The following ERCC6L variants were observed in gnomAD, a reference collection of about 807,000 sequenced individuals.
ERCC6L encodes DNA excision repair protein ERCC-6-like.
Under a neutral mutation model 20.1 loss-of-function variants are expected in ERCC6L, and 7 were observed. The observed-to-expected ratio is 0.35, with a 90% confidence interval of 0.20 to 0.65. The LOEUF (loss-of-function observed/expected upper bound fraction) is 0.65, where lower values mean the gene tolerates loss of function less well. Ranked by LOEUF, ERCC6L falls within the 30% of genes least tolerant of loss-of-function variation. ERCC6L has a pLI of 0.69. For synonymous variants in ERCC6L, 278 were observed against 331.3 expected, an observed-to-expected ratio of 0.84 and a Z score of 1.75; for missense variants, 592 against 892.4, an observed-to-expected ratio of 0.66 and a Z score of 4.29.
In ERCC6L at chrX:72,208,303, T is replaced by G. The variant is rs1602437589; in HGVS notation, c.464A>C (p.Asn155Thr). Residue 155 changes from asparagine (N) to threonine (T), a missense_variant, in exon 2 of 2, where the codon AAT becomes ACT. Transcript: ENST00000334463. ...TTCTTTTACCCATGTGTTAATAAGATTGGTTGGCATGATCAGCAGCACATG... is the reference window on the plus strand; with the variant it reads ...TTCTTTTACCCATGTGTTAATAAGAGTGGTTGGCATGATCAGCAGCACATG... ...VNHVLLIMPT[N>T]LINTWVKEFI... The G allele has an allele frequency of 8.3e-7, 1 of 1,210,273 alleles. No homozygotes were observed. Among genetic ancestry groups the G allele is most frequent in the African/African-American group, 1.7e-5 (1 of 57,243 alleles).
chrX:72,223,426 G>A (rs932617766), intron 1 of ERCC6L, among the ~76,000 whole-genome samples: 63 of 105,721 alleles, frequency 6.0e-4, no homozygotes, highest in African/African-American at 2.1e-3. Flanking sequence ...TTTTGCTCTT[G>A]TTGCCCAGGC....
At chrX:72,230,352 G>A (rs964977410) in intron 1 of ERCC6L, among the ~76,000 whole-genome samples, 5 of 109,776 alleles carry the variant, frequency 4.6e-5, no homozygotes, top group Non-Finnish European at 7.6e-5. Context: ...CTGGAAAGAT[G>A]TCTGCCCCAA....
rs1036021606 is a variant in ERCC6L, at chrX:72,205,655, T to TAAA, written c.3109_3111dup (p.Phe1037dup). 8.3e-7 allele frequency: 1 copy of TAAA among 1,210,595 alleles called. No homozygotes were observed. Among genetic ancestry groups the TAAA allele is most frequent in the Non-Finnish European group, 1.1e-6 (1 of 895,343 alleles). On this transcript the variant is annotated inframe_insertion, in exon 2 of 2. Transcript: ENST00000334463. The stretch of plus-strand genomic sequence containing the variant: ...AATGGATTTATGCTTGAGGTATCTT[T>TAAA]AAAAGAATCATCTTCATCTTCGCCA...
Position 72,205,565 on chromosome X carries a change from T to G in ERCC6L, c.3202A>C (p.Ile1068Leu). ...GAAAAGAACCTTCCTGGTGGACTGATGTCATTTTTGGGAGTTGAAGCATCA... is the reference window on the plus strand; with the variant it reads ...GAAAAGAACCTTCCTGGTGGACTGAGGTCATTTTTGGGAGTTGAAGCATCA... ...QFDASTPKND[I>L]SPPGRFFSSQ... The change falls in exon 2 of 2, where the codon ATC becomes CTC. Residue 1068 changes from isoleucine to leucine, a missense_variant. Ile to Leu is a conservative substitution (Grantham distance 5). Transcript: ENST00000334463. 8.3e-7 allele frequency: 1 copy of G among 1,211,249 alleles called. No individual in the cohort carries two copies. The highest frequency in any genetic ancestry group is 1.1e-6 in the Non-Finnish European group (1 of 894,918).
Position 72,206,100 on chromosome X carries a change from AATCTCATC to A in ERCC6L, c.2659_2666del (p.Asp887PhefsTer15). On this transcript the variant is annotated frameshift_variant, in exon 2 of 2. Transcript: ENST00000334463. LOFTEE classifies it low-confidence loss of function (END_TRUNC). ...TGGGCCAAGGATTGCAATGACGTAA[AATCTCATC>A]ATCCTTTAGTTGATCTAAATTTGGC... 1 of 1,211,272 alleles carries A rather than the reference AATCTCATC, an allele frequency of 8.3e-7. No individual in the cohort carries two copies. Among genetic ancestry groups the A allele is most frequent in the Non-Finnish European group, 1.1e-6 (1 of 895,177 alleles).
chrX:72,215,973 T>C (rs139456352), intron 1 of ERCC6L, among the ~76,000 whole-genome samples: 3,023 of 110,499 alleles, frequency 0.027, 74 homozygotes, highest in African/African-American at 0.082. Flanking sequence ...GGGGATCTTT[T>C]TGTTGTCAAT....
intron 1 of ERCC6L, among the ~76,000 whole-genome samples, chrX:72,235,552 C>G (rs1294147764): frequency 9.0e-6 from 1 of 110,742 alleles, no homozygotes; most frequent in Non-Finnish European, 1.9e-5. Flanking sequence ...TGTACCACCA[C>G]GTCCAGCTTA....
In ERCC6L at chrX:72,238,975, G is replaced by A; in HGVS notation, c.-64C>T. ...TGGAGCTTGGAGCTTGGAGCTTGGA[G>A]CTTGGAGCTTAGAGTTTGGAGCTTG... On this transcript the variant is annotated 5_prime_UTR_variant, in exon 1 of 2. Coordinates refer to ENST00000334463, the MANE Select transcript of ERCC6L (RefSeq NM_017669.4). 1 of 1,041,389 alleles carries A rather than the reference G, an allele frequency of 9.6e-7. No individual in the cohort carries two copies. The allele number at this position is 1,041,389 out of a possible 1,213,427, so 85.8% of individuals were successfully genotyped here.
intron 1 of ERCC6L, among the ~76,000 whole-genome samples, chrX:72,222,888 G>A (rs892031143): frequency 6.5e-5 from 7 of 107,251 alleles, no homozygotes; most frequent in African/African-American, 2.4e-4. Flanking sequence ...GAGCCACTGC[G>A]CCCGGCCTGA....
chrX:72,214,913 G>T (rs2042879397), intron 1 of ERCC6L, among the ~76,000 whole-genome samples: 1 of 110,333 alleles, frequency 9.1e-6, no homozygotes, highest in Admixed American at 9.8e-5. Flanking sequence ...CTTGAACTCA[G>T]GAGATGGAGG....
Position 72,238,852 on chromosome X carries a change from A to C in ERCC6L, c.60T>G (p.His20Gln). ...CAGCGGTCCAGACATACCTTAGGTA[A>C]TGAGCAGCCTGCTCTGGGCTCAAGG... Reference protein sequence around the residue: ...AEALSPEQAAHYLRYVKEAKE... With the variant: ...AEALSPEQAAQYLRYVKEAKE... The change falls in exon 1 of 2, where the codon CAT becomes CAG. Residue 20 changes from histidine to glutamine, a missense_variant. Transcript: ENST00000334463. The C allele has an allele frequency of 1.7e-6, 2 of 1,192,503 alleles. No homozygotes were observed. The highest frequency in any genetic ancestry group is 2.3e-6 in the Non-Finnish European group (2 of 885,701).
intron 1 of ERCC6L, among the ~76,000 whole-genome samples, chrX:72,212,485 T>C (rs2042861481): frequency 9.0e-6 from 1 of 111,481 alleles, no homozygotes; most frequent in Non-Finnish European, 1.9e-5. Flanking sequence ...CCATAAGCCA[T>C]ACTATTAGAC....
intron 1 of ERCC6L, among the ~76,000 whole-genome samples, chrX:72,214,597 A>G (rs1362962946): frequency 1.9e-5 from 2 of 104,660 alleles, no homozygotes; most frequent in Non-Finnish European, 3.9e-5. Context: ...CATGTGAACC[A>G]GGGAGGCGGA....
In ERCC6L at chrX:72,222,742, C is replaced by T. The variant is rs750979682; in HGVS notation, c.69-14044G>A. Among the ~76,000 whole-genome samples, 6 of 108,999 alleles carry T rather than the reference C, an allele frequency of 5.5e-5. No homozygotes were observed. In the South Asian group the frequency reaches 1.2e-3, roughly 23 times the overall value. The allele number at this position is 108,999 out of a possible 115,157, so 94.7% of individuals were successfully genotyped here. A position where few individuals can be genotyped will look rare whatever the true frequency, so the allele number is the denominator to read the frequency against. ...CCTCCTGAGTAGCTGGGATTACAGG[C>T]GCGTGTCACCACGCCCAGCTAATTT... On this transcript the variant is annotated intron_variant, in intron 1 of 1. Coordinates refer to ENST00000334463, the MANE Select transcript of ERCC6L (RefSeq NM_017669.4).
chrX:72,236,542 C>T (rs1253307726), intron 1 of ERCC6L, among the ~76,000 whole-genome samples: 1 of 111,711 alleles, frequency 9.0e-6, no homozygotes, highest in Non-Finnish European at 1.9e-5. Context: ...GATGCACCTG[C>T]CTCGCCCTCC....
chrX:72,228,694 A>G (rs2042966711), intron 1 of ERCC6L, among the ~76,000 whole-genome samples: 1 of 111,412 alleles, frequency 9.0e-6, no homozygotes, highest in Non-Finnish European at 1.9e-5. Context: ...CTATGGCTTC[A>G]AGGAACTTTC....
At chrX:72,224,975 C>T (rs2042946278) in intron 1 of ERCC6L, among the ~76,000 whole-genome samples, 1 of 110,973 alleles carries the variant, frequency 9.0e-6, no homozygotes, top group South Asian at 3.8e-4. Context: ...AATCCCCACC[C>T]ATTCTCCCCA....
At chrX:72,210,032 A>G (rs1381031098) in intron 1 of ERCC6L, among the ~76,000 whole-genome samples, 2 of 108,666 alleles carry the variant, frequency 1.8e-5, no homozygotes, top group African/African-American at 6.7e-5. Context: ...GCAATATCTT[A>G]AATATGATGC....
chrX:72,233,626 G>A (rs979974020), intron 1 of ERCC6L, among the ~76,000 whole-genome samples: 3 of 107,868 alleles, frequency 2.8e-5, no homozygotes, highest in Non-Finnish European at 5.7e-5. Context: ...GGAGGCTGAG[G>A]CAGGAGAATC....
Sources: gnomAD v4.1 joint callset for allele counts (sites outside exome capture counted in the v4.1 genomes callset) on GRCh38, gnomAD v4.1.1 for gene constraint, MANE v1.5 for transcripts, NCBI Gene and HGNC (gene_info 2026-07-23, HGNC 2026-07-21) for gene names.